Variants in DEFB1 observed in about 807,000 individuals in gnomAD.
The protein encoded by DEFB1 is defensin beta 1.
A neutral mutation model predicts 2.6 loss-of-function variants in DEFB1; 4 were observed. That is an observed-to-expected ratio of 1.53 (90% CI 0.76 to 3.51). The LOEUF (loss-of-function observed/expected upper bound fraction) is 3.51. Ranked by LOEUF, DEFB1 falls within the 30% of genes most tolerant of loss-of-function variation. The probability of loss-of-function intolerance (pLI) is 0.01; values close to 1 mark genes in which losing one functional copy is unlikely to be tolerated. For synonymous variants in DEFB1, 56 were observed against 28.5 expected (o/e 1.96, Z -3.07); for missense variants, 162 against 76.9 (o/e 2.11, Z -4.14).
At chr8:6,872,561 C>T (rs1806361626) in intron 1 of DEFB1, among the ~76,000 whole-genome samples, 1 of 152,094 alleles carries the variant, frequency 6.6e-6, no homozygotes, top group Non-Finnish European at 1.5e-5. Context: ...GCCCGGAAAC[C>T]AGGCATTGAG....
intron 1 of DEFB1, among the ~76,000 whole-genome samples, chr8:6,871,507 G>A (rs1806312950): frequency 2.6e-5 from 4 of 152,266 alleles, no homozygotes; most frequent in South Asian, 4.2e-4. Context: ...CCAGCAGGCC[G>A]CCATGTTGCA....
Position 6,874,968 on chromosome 8 carries a change from C to T in DEFB1, c.61+2829G>A, listed in dbSNP as rs1367049354. ...CTGCACTACAGCCTGGGTGACAGAG[C>T]GAGACTCAGTCTCAAAAAAAAAAAA... On this transcript the variant is annotated intron_variant, in intron 1 of 1. Coordinates refer to ENST00000297439, the MANE Select transcript of DEFB1 (RefSeq NM_005218.4). Among the ~76,000 whole-genome samples, 4 of 132,864 alleles carry T rather than the reference C, an allele frequency of 3.0e-5. No individual in the cohort carries two copies. In the East Asian group the frequency reaches 6.5e-4, roughly 22 times the overall value. The allele number at this position is 132,864 out of a possible 152,430, so 87.2% of individuals were successfully genotyped here.
chr8:6,871,737 G>A (rs572071870), intron 1 of DEFB1, among the ~76,000 whole-genome samples: 1 of 152,338 alleles, frequency 6.6e-6, no homozygotes, highest in Non-Finnish European at 1.5e-5. Context: ...GAAAGACCAT[G>A]TGAGGACCCA....
intron 1 of DEFB1, among the ~76,000 whole-genome samples, chr8:6,873,784 G>A (rs765765285): frequency 1.2e-4 from 18 of 152,114 alleles, no homozygotes; most frequent in Admixed American, 4.6e-4. Context: ...GTCTGGGTTG[G>A]GGCTGATAAT....
At chr8:6,872,202 G>T (rs1381054625) in intron 1 of DEFB1, among the ~76,000 whole-genome samples, 4 of 152,002 alleles carry the variant, frequency 2.6e-5, no homozygotes, top group Non-Finnish European at 5.9e-5. Context: ...TATCAATACA[G>T]AGTCCCTTCA....
At position 6,877,868 on chromosome 8, in the gene DEFB1, AG is replaced by A. The variant is rs1806592735; in HGVS notation, c.-12del. ...GTAGGAAGTTCTCATGGCGACTGGC[AG>A]GCAACACCCAGGATTTCAGGAACTG... On this transcript the variant is annotated 5_prime_UTR_variant, in exon 1 of 2. Coordinates refer to ENST00000297439, the MANE Select transcript of DEFB1 (RefSeq NM_005218.4). 1.2e-6 allele frequency: 2 copies of A among 1,613,736 alleles called. No homozygotes were observed. Among genetic ancestry groups the A allele is most frequent in the African/African-American group, 1.3e-5 (1 of 74,926 alleles).
At chr8:6,870,955 T>G in intron 1 of DEFB1, 129 bp from the exon 2 acceptor site, 5 of 1,061,942 alleles carry the variant, frequency 4.7e-6, no homozygotes, top group Non-Finnish European at 6.6e-6. Flanking sequence ...AATTGGCCCA[T>G]GATTGATCTT....
chr8:6,873,225 T>C (rs1806387434), intron 1 of DEFB1, among the ~76,000 whole-genome samples: 1 of 152,174 alleles, frequency 6.6e-6, no homozygotes, highest in South Asian at 2.1e-4. Flanking sequence ...ATGTAGCTGG[T>C]CAAAGACCAA....
intron 1 of DEFB1, among the ~76,000 whole-genome samples, chr8:6,875,190 C>T (rs1366673977): frequency 6.6e-6 from 1 of 151,654 alleles, no homozygotes; most frequent in Non-Finnish European, 1.5e-5. Flanking sequence ...GGACTATCTT[C>T]ATGTCTTTGA....
chr8:6,873,924 G>A (rs1016737330), intron 1 of DEFB1, among the ~76,000 whole-genome samples: 1 of 152,196 alleles, frequency 6.6e-6, no homozygotes, highest in Non-Finnish European at 1.5e-5. Context: ...CAGTCTAGGG[G>A]CCTTTTAAAA....
chr8:6,875,894 A>G (rs556800751), intron 1 of DEFB1, among the ~76,000 whole-genome samples: 36 of 152,312 alleles, frequency 2.4e-4, no homozygotes, highest in Admixed American at 1.2e-3. Context: ...TTACCACCAT[A>G]AAAGTCAAGT....
chr8:6,877,295 C>A (rs1199189589), intron 1 of DEFB1, among the ~76,000 whole-genome samples: 1 of 152,334 alleles, frequency 6.6e-6, no homozygotes, highest in South Asian at 2.1e-4. Flanking sequence ...ATGCATTTCT[C>A]AGGAGAGGGA....
At chr8:6,875,303 T>C (rs993803293) in intron 1 of DEFB1, among the ~76,000 whole-genome samples, 4 of 152,158 alleles carry the variant, frequency 2.6e-5, no homozygotes, top group Non-Finnish European at 4.4e-5. Flanking sequence ...GCCTCTTTTC[T>C]AGGAAAGTTT....
intron 1 of DEFB1, among the ~76,000 whole-genome samples, chr8:6,877,487 G>A (rs1288980277): frequency 3.9e-5 from 6 of 152,212 alleles, no homozygotes; most frequent in East Asian, 1.9e-4. Context: ...GTGAGGAGTC[G>A]TCTTGCAGGG....
At chr8:6,875,064 C>CCACACACA (rs61101914) in intron 1 of DEFB1, among the ~76,000 whole-genome samples, 14 of 135,634 alleles carry the variant, frequency 1.0e-4, no homozygotes, top group East Asian at 2.2e-4. Flanking sequence ...CATACCGAAG[C>CCACACACA]CACACACACA....
chr8:6,872,542 T>C (rs1231996220), intron 1 of DEFB1, among the ~76,000 whole-genome samples: 1 of 152,084 alleles, frequency 6.6e-6, no homozygotes, highest in Non-Finnish European at 1.5e-5. Flanking sequence ...ATGAAGAGGT[T>C]TGGGAAGGGC....
intron 1 of DEFB1, among the ~76,000 whole-genome samples, chr8:6,871,236 C>G (rs1362054323): frequency 6.6e-6 from 1 of 152,240 alleles, no homozygotes; most frequent in Non-Finnish European, 1.5e-5. Context: ...TCCTTCCATG[C>G]CTTCAGTTAC....
chr8:6,874,499 T>A (rs1294303105), intron 1 of DEFB1, among the ~76,000 whole-genome samples: 1 of 151,992 alleles, frequency 6.6e-6, no homozygotes, highest in Non-Finnish European at 1.5e-5. Context: ...AGGTGAGAGG[T>A]CTTGCTTTAC....
At chr8:6,875,357 A>G (rs986379436) in intron 1 of DEFB1, among the ~76,000 whole-genome samples, 25 of 152,316 alleles carry the variant, frequency 1.6e-4, no homozygotes, top group Admixed American at 1.3e-4. Context: ...AAGAGAAGAT[A>G]TTTGTGATGT....
Sources: allele counts gnomAD v4.1 joint callset (sites outside exome capture counted in the v4.1 genomes callset), GRCh38; gene constraint gnomAD v4.1.1; transcripts MANE v1.5; gene names NCBI Gene and HGNC (gene_info 2026-07-23, HGNC 2026-07-21).